Variants in ENOX1 observed in about 807,000 individuals in gnomAD.
ENOX1 encodes the protein ecto-NOX disulfide-thiol exchanger 1.
A neutral mutation model predicts 82.5 loss-of-function variants in ENOX1; 42 were observed. The observed-to-expected ratio is 0.51, with a 90% CI of 0.40 to 0.66. The LOEUF (loss-of-function observed/expected upper bound fraction) is 0.66, where lower values mean the gene tolerates loss of function less well. Ranked by LOEUF, ENOX1 falls within the 30% of genes least tolerant of loss-of-function variation. The probability of loss-of-function intolerance (pLI) is 0.00; values close to 1 mark genes in which losing one functional copy is unlikely to be tolerated. For synonymous variants in ENOX1, 271 were observed against 282.2 expected (o/e 0.96, Z 0.40); for missense variants, 608 against 811.6 (o/e 0.75, Z 3.05).
intron 2 of ENOX1, among the ~76,000 whole-genome samples, chr13:43,484,747 CTAAT>C (rs1315953468): frequency 6.6e-5 from 10 of 152,210 alleles, no homozygotes; most frequent in Non-Finnish European, 1.0e-4. Context: ...TCAAATATTA[CTAAT>C]TAATTAAGAA....
rs769060437 is a variant in ENOX1, at chr13:43,359,846, A to C, written c.589+5T>G. 1.9e-6 allele frequency: 3 copies of C among 1,613,650 alleles called. No individual in the cohort carries two copies. The highest frequency in any genetic ancestry group is 2.5e-6 in the Non-Finnish European group (3 of 1,179,538). ...CTAGAAAACTCCTTATGTAATGCAA[A>C]GTACCAGAAAGGTAAATGGCTTTAT... On this transcript the variant is annotated splice_donor_5th_base_variant and intron_variant, in intron 7 of 16. Transcript: ENST00000690772.
At chr13:43,499,305 A>G (rs528512743) in intron 2 of ENOX1, among the ~76,000 whole-genome samples, 2 of 152,252 alleles carry the variant, frequency 1.3e-5, no homozygotes, top group African/African-American at 4.8e-5. Flanking sequence ...AGTATAGACT[A>G]TAGTTAATTG....
chr13:43,232,423 T>C (rs1425173648), intron 15 of ENOX1, among the ~76,000 whole-genome samples: 1 of 152,214 alleles, frequency 6.6e-6, no homozygotes, highest in African/African-American at 2.4e-5. Context: ...GAGAGGAACA[T>C]ACTCCCAAGA....
intron 15 of ENOX1, among the ~76,000 whole-genome samples, chr13:43,235,514 C>T (rs1470067821): frequency 1.3e-5 from 2 of 152,206 alleles, no homozygotes; most frequent in South Asian, 2.1e-4. Flanking sequence ...AGGTGGATCA[C>T]CTGAGGTCAG....
intron 1 of ENOX1, among the ~76,000 whole-genome samples, chr13:43,702,277 T>A (rs930530554): frequency 6.6e-6 from 1 of 152,314 alleles, no homozygotes; most frequent in East Asian, 1.9e-4. Flanking sequence ...AATAGATAGA[T>A]AAATAGCACT....
chr13:43,353,527 A>G (rs1472393955), intron 8 of ENOX1, among the ~76,000 whole-genome samples: 4 of 152,208 alleles, frequency 2.6e-5, no homozygotes, highest in African/African-American at 4.8e-5. Context: ...ATGTCCCCAC[A>G]TCAATGAAAT....
intron 2 of ENOX1, among the ~76,000 whole-genome samples, chr13:43,664,154 GTTAA>G (rs1566731744): frequency 6.6e-6 from 1 of 151,896 alleles, no homozygotes; most frequent in Non-Finnish European, 1.5e-5. Context: ...AACTTACCAT[GTTAA>G]TTATTAACTA....
At chr13:43,271,103 C>G (rs546821123) in intron 12 of ENOX1, among the ~76,000 whole-genome samples, 1 of 152,150 alleles carries the variant, frequency 6.6e-6, no homozygotes, top group South Asian at 2.1e-4. Flanking sequence ...GAGACGATTT[C>G]AAATCCAATC....
chr13:43,658,006 TG>T (rs1389098708), intron 2 of ENOX1, among the ~76,000 whole-genome samples: 1 of 152,204 alleles, frequency 6.6e-6, no homozygotes, highest in African/African-American at 2.4e-5. Flanking sequence ...TGAAATGGCT[TG>T]TTTTTTTAAA....
At chr13:43,417,480 T>C (rs948933411) in intron 3 of ENOX1, among the ~76,000 whole-genome samples, 1 of 152,226 alleles carries the variant, frequency 6.6e-6, no homozygotes, top group Non-Finnish European at 1.5e-5. Flanking sequence ...TTATGAATAG[T>C]TGCAAGAATG....
At chr13:43,711,979 G>T (rs1187574164) in intron 1 of ENOX1, among the ~76,000 whole-genome samples, 1 of 145,786 alleles carries the variant, frequency 6.9e-6, no homozygotes, top group Non-Finnish European at 1.5e-5. Context: ...TGGTGTTTTA[G>T]ACACGAAGTC....
chr13:43,214,591 T>C (rs758054731), intron 16 of ENOX1, among the ~76,000 whole-genome samples: 1 of 152,188 alleles, frequency 6.6e-6, no homozygotes, highest in Non-Finnish European at 1.5e-5. Context: ...TCTTCCTTAA[T>C]TTTCACATAG....
chr13:43,575,455 T>C (rs2080378796), intron 2 of ENOX1, among the ~76,000 whole-genome samples: 1 of 152,180 alleles, frequency 6.6e-6, no homozygotes, highest in Non-Finnish European at 1.5e-5. Flanking sequence ...AGATGGGAAA[T>C]ACATCAACTA....
At chr13:43,757,809 C>G (rs1950738839) in intron 1 of ENOX1, among the ~76,000 whole-genome samples, 1 of 151,974 alleles carries the variant, frequency 6.6e-6, no homozygotes, top group Admixed American at 6.6e-5. Context: ...TCATTTATCC[C>G]AAAAATGTAT....
intron 12 of ENOX1, among the ~76,000 whole-genome samples, chr13:43,293,051 C>T (rs996651041): frequency 2.6e-5 from 4 of 151,746 alleles, no homozygotes; most frequent in Non-Finnish European, 5.9e-5. Flanking sequence ...TTCACCATCA[C>T]AGCCACCAAC....
At chr13:43,678,205 G>A (rs76005092) in intron 1 of ENOX1, among the ~76,000 whole-genome samples, 106 of 152,176 alleles carry the variant, frequency 7.0e-4, no homozygotes, top group Admixed American at 1.3e-3. Context: ...TTTTTAAAAT[G>A]GATTTGCTAA....
intron 2 of ENOX1, chr13:43,543,913 CTTTTTTTTT>C (rs11324994): frequency 1.3e-4 from 13 of 97,430 alleles, no homozygotes; most frequent in East Asian, 8.3e-4. Flanking sequence ...TTTTCTTTTT[CTTTTTTTTT>C]TTTTTTTTTT....
chr13:43,681,953 T>A lies in ENOX1; in HGVS notation c.-284-14409A>T, dbSNP rs374024413. 1.4e-4 allele frequency among the ~76,000 whole-genome samples: 22 copies of A among 152,244 alleles called. No individual in the cohort carries two copies. The East Asian group carries it at 2.9e-3, about 20-fold the overall frequency. On this transcript the variant is annotated intron_variant, in intron 1 of 16. Coordinates refer to ENST00000690772, the MANE Select transcript of ENOX1 (RefSeq NM_001347969.2). The stretch of plus-strand genomic sequence containing the variant: ...TAAGTTTTCATATCTGTGCTCAGAA[T>A]GTCCTTACTATGCTTTGCCCAGATC...
At chr13:43,424,057 GC>G (rs2055142248) in intron 3 of ENOX1, among the ~76,000 whole-genome samples, 1 of 152,162 alleles carries the variant, frequency 6.6e-6, no homozygotes, top group African/African-American at 2.4e-5. Flanking sequence ...CAAAGATATA[GC>G]CATCAAAAGA....
Sources: gnomAD v4.1 joint callset for allele counts (sites outside exome capture counted in the v4.1 genomes callset) on GRCh38, gnomAD v4.1.1 for gene constraint, MANE v1.5 for transcripts, NCBI Gene and HGNC (gene_info 2026-07-23, HGNC 2026-07-21) for gene names.